The following CCDC192 variants were observed in gnomAD, a reference collection of about 807,000 sequenced individuals.
CCDC192 encodes coiled-coil domain-containing protein 192.
At chr5:127,833,856 C>T (rs1749913654) in intron 5 of CCDC192, among the ~76,000 whole-genome samples, 1 of 152,100 alleles carries the variant, frequency 6.6e-6, no homozygotes, top group African/African-American at 2.4e-5. Flanking sequence ...GAAAATTTCT[C>T]TTCTATCATA....
chr5:127,894,730 A>G (rs565853976), intron 6 of CCDC192, among the ~76,000 whole-genome samples: 1 of 152,342 alleles, frequency 6.6e-6, no homozygotes, highest in East Asian at 1.9e-4. Flanking sequence ...TATAAGATCT[A>G]AATAGCTGAC....
intron 2 of CCDC192, among the ~76,000 whole-genome samples, chr5:127,708,733 GA>G (rs1751113735): frequency 6.6e-6 from 1 of 152,182 alleles, no homozygotes; most frequent in Non-Finnish European, 1.5e-5. Flanking sequence ...TTTGGGATGT[GA>G]AAATGGTTAA....
At chr5:127,845,375 A>G (rs1478587729) in intron 5 of CCDC192, among the ~76,000 whole-genome samples, 3 of 152,158 alleles carry the variant, frequency 2.0e-5, no homozygotes, top group African/African-American at 7.2e-5. Flanking sequence ...TCTTTTGTTG[A>G]TTTGTTTGTA....
At chr5:127,870,797 A>G (rs1355491627) in intron 5 of CCDC192, among the ~76,000 whole-genome samples, 1 of 152,268 alleles carries the variant, frequency 6.6e-6, no homozygotes, top group East Asian at 1.9e-4. Flanking sequence ...CGAAACATGT[A>G]AAATTGACTT....
At chr5:127,809,972 T>C (rs1476384426) in intron 5 of CCDC192, among the ~76,000 whole-genome samples, 1 of 152,190 alleles carries the variant, frequency 6.6e-6, no homozygotes, top group East Asian at 1.9e-4. Context: ...AGCCTAAATA[T>C]GAGCCTTACA....
At chr5:127,765,255 TGTA>T (rs1243162116) in intron 3 of CCDC192, among the ~76,000 whole-genome samples, 3 of 152,230 alleles carry the variant, frequency 2.0e-5, no homozygotes, top group Non-Finnish European at 4.4e-5. Flanking sequence ...CATGGCAGAA[TGTA>T]TGCAGAAGCA....
At chr5:127,804,692 A>G (rs1043958041) in intron 5 of CCDC192, among the ~76,000 whole-genome samples, 1 of 152,214 alleles carries the variant, frequency 6.6e-6, no homozygotes, top group Non-Finnish European at 1.5e-5. Flanking sequence ...TGGCTCCTGA[A>G]CCAGAAACAT....
At chr5:127,768,472 A>G (rs113053341) in intron 3 of CCDC192, among the ~76,000 whole-genome samples, 3,337 of 152,262 alleles carry the variant, frequency 0.022, 123 homozygotes, top group African/African-American at 0.076. Context: ...GGGCTGGAAT[A>G]GATTCTCCCT....
chr5:127,877,538 A>T (rs1752131213), intron 6 of CCDC192, among the ~76,000 whole-genome samples: 1 of 152,146 alleles, frequency 6.6e-6, no homozygotes, highest in South Asian at 2.1e-4. Context: ...GACATCTAGC[A>T]CTAAGATCCT....
At chr5:127,854,466 A>T (rs369795419) in intron 5 of CCDC192, among the ~76,000 whole-genome samples, 1 of 152,178 alleles carries the variant, frequency 6.6e-6, no homozygotes, top group Non-Finnish European at 1.5e-5. Context: ...TATTATTAAT[A>T]GTTAATCTCT....
At chr5:127,702,253 C>T (rs1336765909), upstream of CCDC192, among the ~76,000 whole-genome samples, 1 of 152,050 alleles carries the variant, frequency 6.6e-6, no homozygotes, top group Non-Finnish European at 1.5e-5. Flanking sequence ...CCACCACACC[C>T]GGCTAATTTG....
chr5:127,707,314 G>T (rs916374264), intron 1 of CCDC192, among the ~76,000 whole-genome samples: 4 of 136,030 alleles, frequency 2.9e-5, no homozygotes, highest in Non-Finnish European at 6.0e-5. Context: ...CCAGGAGATA[G>T]AGAGAGAAGA....
At chr5:127,841,516 G>A (rs758602559) in intron 5 of CCDC192, among the ~76,000 whole-genome samples, 3 of 152,046 alleles carry the variant, frequency 2.0e-5, no homozygotes, top group African/African-American at 7.2e-5. Flanking sequence ...AATCTTTCAA[G>A]TTTTCATAAA....
chr5:127,912,441 T>A (rs201856055), intron 6 of CCDC192, among the ~76,000 whole-genome samples: 864 of 48,916 alleles, frequency 0.018, 4 homozygotes, highest in African/African-American at 0.054. Context: ...AAAAAAAAAA[T>A]GAAGCTGTAC....
intron 2 of CCDC192, among the ~76,000 whole-genome samples, chr5:127,751,063 T>C (rs1754133027): frequency 6.8e-6 from 1 of 147,460 alleles, no homozygotes. Context: ...CTTGACTCTT[T>C]ATCCAATTTG....
intron 5 of CCDC192, among the ~76,000 whole-genome samples, chr5:127,854,222 A>C (rs1750950576): frequency 6.6e-6 from 1 of 151,960 alleles, no homozygotes; most frequent in Non-Finnish European, 1.5e-5. Context: ...GCTCAATCCT[A>C]CACATTTTTT....
chr5:127,739,036 C>T (rs1753218871), intron 2 of CCDC192, among the ~76,000 whole-genome samples: 1 of 152,102 alleles, frequency 6.6e-6, no homozygotes, highest in Admixed American at 6.5e-5. Context: ...TTTTTCTGTT[C>T]TGTTTTTTCC....
rs1754439119 is a variant in CCDC192 at position 127,754,353 on chromosome 5, A to AG, written c.202dup (p.Ala68GlyfsTer2). The AG allele has an allele frequency of 2.5e-6, 1 of 398,766 alleles. No individual in the cohort carries two copies. The highest frequency in any genetic ancestry group is 4.4e-6 in the Non-Finnish European group (1 of 226,020). The allele number at this position is 398,766 out of a possible 1,614,324, so 24.7% of individuals were successfully genotyped here. A position where few individuals can be genotyped will look rare whatever the true frequency, so the allele number is the denominator to read the frequency against. On this transcript the variant is annotated frameshift_variant, in exon 3 of 7. Coordinates refer to ENST00000514853, the MANE Select transcript of CCDC192 (RefSeq NM_001317938.2). LOFTEE classifies it high-confidence loss of function. ...ATTTGCCTGAAAGAAGCAGAAGAAAAGGCTAAAGCTTTATCTGAACAGGTA... is the reference window on the plus strand; with the variant it reads ...ATTTGCCTGAAAGAAGCAGAAGAAAAGGGCTAAAGCTTTATCTGAACAGGTA...
At chr5:127,941,153 T>G in intron 6 of CCDC192, 29 bp from the exon 7 acceptor site, 1 of 399,048 alleles carries the variant, frequency 2.5e-6, no homozygotes, top group East Asian at 3.6e-5. Flanking sequence ...TCAAAACTGC[T>G]CAGACTTTCC....
Sources: gnomAD v4.1 joint callset for allele counts (sites outside exome capture counted in the v4.1 genomes callset) on GRCh38, gnomAD v4.1.1 for gene constraint, MANE v1.5 for transcripts, NCBI Gene and HGNC (gene_info 2026-07-23, HGNC 2026-07-21) for gene names.